The following PLXNA2 variants were observed in gnomAD, a reference collection of about 807,000 sequenced individuals.
PLXNA2 encodes plexin-A2.
A neutral mutation model predicts 193.5 loss-of-function variants in PLXNA2; 91 were observed. The observed-to-expected ratio is 0.47, with a 90% CI of 0.40 to 0.56. PLXNA2 has a LOEUF of 0.56. PLXNA2 is among the 20% of genes least tolerant of loss of function. The pLI is 0.00. For missense variants in PLXNA2, 1,995 were observed against 2,503.2 expected (o/e 0.80, Z 4.33); for synonymous variants, 997 against 1,027.3 (o/e 0.97, Z 0.56).
chr1:208,155,291 C>A (rs1272660237), intron 3 of PLXNA2, among the ~76,000 whole-genome samples: 3 of 152,176 alleles, frequency 2.0e-5, no homozygotes, highest in Non-Finnish European at 2.9e-5. Context: ...CTGTCTCAGA[C>A]CCTTTTCACT....
chr1:208,029,184 G>C, intron 29 of PLXNA2, 142 bp from the exon 30 acceptor site: 1 of 1,455,348 alleles, frequency 6.9e-7, no homozygotes. Flanking sequence ...GGTCCAGCCA[G>C]GGTTAATTTA....
At chr1:208,054,598 T>C in intron 13 of PLXNA2, 60 bp from the exon 14 acceptor site, 1 of 1,168,054 alleles carries the variant, frequency 8.6e-7, no homozygotes, top group East Asian at 2.4e-5. Context: ...CGCTGTTCAC[T>C]TGCTCTCCCA....
intron 13 of PLXNA2, among the ~76,000 whole-genome samples, chr1:208,058,563 C>A (rs143701342): frequency 8.4e-4 from 128 of 152,258 alleles, no homozygotes; most frequent in African/African-American, 3.0e-3. Context: ...TCTGAAACCT[C>A]GGGAGTGGTA....
rs758535080 is a variant in PLXNA2 at position 208,079,394 on chromosome 1, C to T, written c.2452G>A (p.Asp818Asn). 3.5e-5 allele frequency: 57 copies of T among 1,613,258 alleles called. No individual in the cohort carries two copies. The highest frequency in any genetic ancestry group is 5.0e-5 in the Admixed American group (3 of 59,936). The change falls in exon 12 of 32, where the codon GAC becomes AAC. Residue 818 changes from aspartate to asparagine, a missense_variant. Coordinates refer to ENST00000367033, the MANE Select transcript of PLXNA2 (RefSeq NM_025179.4). ...RESCGLCLKA[D>N]RKFECGWCSG... The stretch of plus-strand genomic sequence containing the variant: ...CACCAGCCACACTCAAACTTCCGGT[C>T]GGCCTTGAGGCAGAGGCCGCAGCTC...
intron 12 of PLXNA2, among the ~76,000 whole-genome samples, chr1:208,078,434 A>G (rs1359265084): frequency 6.6e-6 from 1 of 152,196 alleles, no homozygotes; most frequent in Non-Finnish European, 1.5e-5. Flanking sequence ...AGGATGGTGC[A>G]GCAGCTCAGG....
rs143302363 is a variant in PLXNA2 at position 208,171,963 on chromosome 1, G to A, written c.1372-29500C>T. Among the ~76,000 whole-genome samples the A allele has an allele frequency of 3.9e-3, 589 of 150,722 alleles. 3 individuals are homozygous for A. Among genetic ancestry groups the A allele is most frequent in the Non-Finnish European group, 6.9e-3 (465 of 67,706 alleles). On this transcript the variant is annotated intron_variant, in intron 3 of 31. Transcript: ENST00000367033. ...TGATGCATAGTGCCTGGGGCACATA[G>A]TAGGTGCTCAGTACATCTTAGCAGT...
At chr1:208,185,329 G>T (rs543308917) in intron 3 of PLXNA2, among the ~76,000 whole-genome samples, 1 of 152,264 alleles carries the variant, frequency 6.6e-6, no homozygotes, top group South Asian at 2.1e-4. Context: ...GGGAGATCCT[G>T]GTGCCCTGCT....
At chr1:208,175,904 G>C (rs554531249) in intron 3 of PLXNA2, among the ~76,000 whole-genome samples, 20 of 152,320 alleles carry the variant, frequency 1.3e-4, no homozygotes, top group Admixed American at 3.3e-4. Flanking sequence ...TATAGGGTTG[G>C]ACACGGGCCG....
At chr1:208,136,079 C>T (rs896134740) in intron 4 of PLXNA2, among the ~76,000 whole-genome samples, 4 of 152,218 alleles carry the variant, frequency 2.6e-5, no homozygotes, top group Non-Finnish European at 4.4e-5. Context: ...ACAGTCCCAA[C>T]TGATCCCAGC....
At chr1:208,029,101 C>G in intron 29 of PLXNA2, 59 bp from the exon 30 acceptor site, 5 of 1,596,498 alleles carry the variant, frequency 3.1e-6, no homozygotes, top group Non-Finnish European at 3.4e-6. Context: ...CTTCTGCTGC[C>G]CACTGATATT....
Position 208,143,507 on chromosome 1 carries a change from A to G in PLXNA2, c.1372-1044T>C, listed in dbSNP as rs1486931920. Among the ~76,000 whole-genome samples, 4 of 152,336 alleles carry G rather than the reference A, an allele frequency of 2.6e-5. No homozygotes were observed. In the East Asian group the frequency reaches 7.7e-4, roughly 29 times the overall value. ...TCAAAGAAAAGAGGTCCCTAAGGTC[A>G]TACAAAAAGTTGGTGGCAAGGAGCC... is the stretch of plus-strand genomic sequence containing the variant. On this transcript the variant is annotated intron_variant, in intron 3 of 31. Transcript: ENST00000367033.
At position 208,039,990 on chromosome 1, in the gene PLXNA2, A is replaced by C; in HGVS notation, c.4353+2T>G. 6.2e-7 allele frequency: 1 copy of C among 1,613,402 alleles called. No individual in the cohort carries two copies. The highest frequency in any genetic ancestry group is 1.1e-5 in the South Asian group (1 of 91,042). On this transcript the variant is annotated splice_donor_variant, in intron 23 of 31. Coordinates refer to ENST00000367033, the MANE Select transcript of PLXNA2 (RefSeq NM_025179.4). LOFTEE classifies it high-confidence loss of function. ...TAGGCCCCGTCTCACTCCCTTTCTC[A>C]CCTTTAGGAACTTGTGCAGGAGGAA...
chr1:208,167,539 A>G (rs1161857231), intron 3 of PLXNA2, among the ~76,000 whole-genome samples: 1 of 152,184 alleles, frequency 6.6e-6, no homozygotes, highest in Non-Finnish European at 1.5e-5. Flanking sequence ...GGAGGCAAGG[A>G]GCACGTCTCC....
At chr1:208,196,844 C>T (rs1354281965) in intron 3 of PLXNA2, among the ~76,000 whole-genome samples, 1 of 152,048 alleles carries the variant, frequency 6.6e-6, no homozygotes, top group African/African-American at 2.4e-5. Context: ...GAATGGGTGG[C>T]AAGGGCGGGG....
At chr1:208,034,212 AC>A (rs1341622565) in intron 27 of PLXNA2, among the ~76,000 whole-genome samples, 1 of 151,972 alleles carries the variant, frequency 6.6e-6, no homozygotes, top group African/African-American at 2.4e-5. Flanking sequence ...GGATATATGA[AC>A]CCCCAGCCAG....
intron 24 of PLXNA2, among the ~76,000 whole-genome samples, chr1:208,039,269 T>C (rs1162662219): frequency 1.3e-5 from 2 of 152,154 alleles, no homozygotes. Context: ...GCACCCTCAG[T>C]GTTTAGAGAT....
rs778314708 is a variant in PLXNA2, at chr1:208,217,831, G to T, written c.92C>A (p.Pro31Gln). The T allele has an allele frequency of 1.2e-6, 2 of 1,613,836 alleles. No individual in the cohort carries two copies. Among genetic ancestry groups the T allele is most frequent in the Admixed American group, 1.7e-5 (1 of 60,006 alleles). Residue 31 changes from proline to glutamine, a missense_variant, in exon 2 of 32, where the codon CCA becomes CAA. Transcript: ENST00000367033. The surrounding 1 kb of genome is among the most constrained non-coding windows in gnomAD (Gnocchi z 4.7). The stretch of plus-strand genomic sequence containing the variant: ...GCTGAACTGAGGCATGCCGGCTGCT[G>T]GGGGGGCCAGCAGCACCCAGACCAC... Reference protein sequence around the residue: ...LSVVWVLLAPPAAGMPQFSTF... With the variant: ...LSVVWVLLAPQAAGMPQFSTF...
chr1:208,231,219 C>G (rs1158346398), intron 1 of PLXNA2, among the ~76,000 whole-genome samples: 1 of 151,888 alleles, frequency 6.6e-6, no homozygotes, highest in Non-Finnish European at 1.5e-5. Flanking sequence ...GAATGGCAGG[C>G]CGGGGAGGGA....
intron 1 of PLXNA2, among the ~76,000 whole-genome samples, chr1:208,224,054 GCT>G (rs945228020): frequency 4.5e-4 from 69 of 152,356 alleles, no homozygotes; most frequent in African/African-American, 1.5e-3. Context: ...CCCTTGTGCA[GCT>G]GTACGTGCAA....
Sources: allele counts gnomAD v4.1 joint callset (sites outside exome capture counted in the v4.1 genomes callset), GRCh38; gene constraint gnomAD v4.1.1; non-coding constraint Gnocchi (gnomAD v3.1); transcripts MANE v1.5; gene names NCBI Gene and HGNC (gene_info 2026-07-23, HGNC 2026-07-21).